The following GMDS variants were observed in gnomAD, a reference collection of about 807,000 sequenced individuals.
The protein encoded by GMDS is GDP-mannose 4,6-dehydratase.
GMDS carries 20 observed loss-of-function variants against 49.9 expected under a neutral mutation model. The observed-to-expected ratio is 0.40, with a 90% CI of 0.28 to 0.58. The LOEUF (loss-of-function observed/expected upper bound fraction) is 0.58. Ranked by LOEUF, GMDS falls within the 20% of genes least tolerant of loss-of-function variation. GMDS has a pLI of 0.42. For synonymous variants in GMDS, 177 were observed against 178.6 expected (o/e 0.99, Z 0.07); for missense variants, 362 against 481.4 (o/e 0.75, Z 2.32).
chr6:1,960,238 T>G (rs556486206), intron 5 of GMDS, among the ~76,000 whole-genome samples: 63 of 152,330 alleles, frequency 4.1e-4, no homozygotes, highest in African/African-American at 1.4e-3. Context: ...TCTTTTTCTC[T>G]CTCATTCTCT....
chr6:1,783,237 G>C (rs113100503), intron 7 of GMDS, among the ~76,000 whole-genome samples: 6 of 152,206 alleles, frequency 3.9e-5, no homozygotes, highest in Non-Finnish European at 8.8e-5. Context: ...TTCTGAACAA[G>C]TTATTTAACA....
In GMDS at chr6:2,223,877, A is replaced by T. The variant is rs567755075; in HGVS notation, c.102+21444T>A. 2.6e-5 allele frequency among the ~76,000 whole-genome samples: 4 copies of T among 152,328 alleles called. No homozygotes were observed. The South Asian group carries it at 8.3e-4, about 32-fold the overall frequency. ...AAGGCTTTGGGATTCACAAGGGAAG[A>T]GTGACTGCAGTTGTAGACATAGAAA... On this transcript the variant is annotated intron_variant, in intron 1 of 10. Coordinates refer to ENST00000380815, the MANE Select transcript of GMDS (RefSeq NM_001500.4).
At chr6:1,710,058 G>A (rs1270451890) in intron 9 of GMDS, among the ~76,000 whole-genome samples, 3 of 152,064 alleles carry the variant, frequency 2.0e-5, no homozygotes, top group Non-Finnish European at 4.4e-5. Flanking sequence ...AATGACTTTG[G>A]GTATTTAAAA....
intron 7 of GMDS, among the ~76,000 whole-genome samples, chr6:1,895,148 C>T (rs529034576): frequency 1.5e-4 from 23 of 152,188 alleles, no homozygotes; most frequent in Admixed American, 1.2e-3. Context: ...CGATGGGCAA[C>T]GAGTTTGGGG....
chr6:2,224,091 G>A (rs1054601472), intron 1 of GMDS, among the ~76,000 whole-genome samples: 3 of 152,190 alleles, frequency 2.0e-5, no homozygotes, highest in Admixed American at 2.0e-4. Flanking sequence ...GCAGGGTTTA[G>A]CCGTGAAAGG....
At chr6:2,006,280 T>A (rs1047140554) in intron 4 of GMDS, among the ~76,000 whole-genome samples, 13 of 137,316 alleles carry the variant, frequency 9.5e-5, no homozygotes, top group Non-Finnish European at 1.1e-4. Context: ...AAAAAAAAAA[T>A]AGCCAAGAGT....
At chr6:2,188,206 G>A (rs931097780) in intron 1 of GMDS, among the ~76,000 whole-genome samples, 1 of 152,186 alleles carries the variant, frequency 6.6e-6, no homozygotes, top group Non-Finnish European at 1.5e-5. Flanking sequence ...GTACAAATCC[G>A]GTTATTTTAC....
chr6:1,859,672 C>G (rs1403762187), intron 7 of GMDS, among the ~76,000 whole-genome samples: 2 of 152,152 alleles, frequency 1.3e-5, no homozygotes, highest in African/African-American at 2.4e-5. Flanking sequence ...GAAGCACAGC[C>G]TGGACCAGGA....
intron 9 of GMDS, among the ~76,000 whole-genome samples, chr6:1,702,002 T>C (rs6927943): frequency 0.48 from 73,088 of 152,130 alleles, 19,216 homozygotes; most frequent in Middle Eastern, 0.64. Flanking sequence ...ATTTTTGCGA[T>C]GGGGGTGTGA....
intron 4 of GMDS, among the ~76,000 whole-genome samples, chr6:2,067,285 A>G (rs1361539312): frequency 1.3e-5 from 2 of 152,152 alleles, no homozygotes; most frequent in South Asian, 4.1e-4. Context: ...GGAAATTTAT[A>G]GCACTAAATG....
At chr6:1,996,525 G>C (rs1366791176) in intron 4 of GMDS, among the ~76,000 whole-genome samples, 3 of 152,206 alleles carry the variant, frequency 2.0e-5, no homozygotes, top group Admixed American at 6.5e-5. Flanking sequence ...TCTGCTGGTA[G>C]ACAGGAAGGG....
chr6:1,840,075 T>C lies in GMDS; in HGVS notation c.771+90028A>G, dbSNP rs141521456. 4.7e-3 allele frequency among the ~76,000 whole-genome samples: 716 copies of C among 152,346 alleles called. 8 individuals carry two copies. The highest frequency in any genetic ancestry group is 0.016 in the African/African-American group (674 of 41,582). On this transcript the variant is annotated intron_variant, in intron 7 of 10. Coordinates refer to ENST00000380815, the MANE Select transcript of GMDS (RefSeq NM_001500.4). ...GGCGAGGACTGCATTTTTTCTGCTA[T>C]GGTGTAAAACTCTCACAGAATGTTA...
At chr6:1,952,034 G>T in intron 6 of GMDS, 1 of 969,346 alleles carries the variant, frequency 1.0e-6, no homozygotes, top group Non-Finnish European at 1.2e-6. Context: ...ATATTTACAT[G>T]ACTTCTCCTA....
chr6:2,031,003 C>T (rs1229115660), intron 4 of GMDS, among the ~76,000 whole-genome samples: 2 of 152,206 alleles, frequency 1.3e-5, no homozygotes, highest in Admixed American at 1.3e-4. Flanking sequence ...TTACTCTCTA[C>T]ACCAGGGTCA....
intron 9 of GMDS, among the ~76,000 whole-genome samples, chr6:1,627,780 T>A (rs1192894335): frequency 6.6e-6 from 1 of 152,214 alleles, no homozygotes; most frequent in East Asian, 1.9e-4. Context: ...GAGCTTTTCT[T>A]GAAAAAAGAG....
intron 1 of GMDS, among the ~76,000 whole-genome samples, chr6:2,168,175 C>T (rs1380523215): frequency 1.3e-5 from 2 of 152,164 alleles, no homozygotes; most frequent in Admixed American, 6.5e-5. Flanking sequence ...CTTTCCCTTC[C>T]TTCCTCAGAA....
At position 1,742,590 on chromosome 6, in the gene GMDS, G is replaced by C. The variant is rs775310084; in HGVS notation, c.772-4C>G. The stretch of plus-strand genomic sequence containing the variant: ...TCTGCAACATCAACCACATAGCCTA[G>C]AGGGAAAGAGAGGCAAGTTCACTTT... On this transcript the variant is annotated splice_region_variant and splice_polypyrimidine_tract_variant and intron_variant, in intron 7 of 10. Transcript: ENST00000380815. The C allele has an allele frequency of 4.7e-6, 7 of 1,476,124 alleles. No individual in the cohort carries two copies. Among genetic ancestry groups the C allele is most frequent in the Non-Finnish European group, 6.6e-6 (7 of 1,057,072 alleles). 91.4% of individuals were successfully genotyped at this position (1,476,124 alleles called of 1,614,324 possible). A position where few individuals can be genotyped will look rare whatever the true frequency, so the allele number is the denominator to read the frequency against.
intron 1 of GMDS, among the ~76,000 whole-genome samples, chr6:2,183,167 T>C (rs1778632036): frequency 6.6e-6 from 1 of 152,198 alleles, no homozygotes; most frequent in South Asian, 2.1e-4. Flanking sequence ...CAACTTTCAG[T>C]CTTATTATTT....
At chr6:2,150,112 C>T (rs1776773711) in intron 1 of GMDS, among the ~76,000 whole-genome samples, 2 of 152,094 alleles carry the variant, frequency 1.3e-5, no homozygotes, top group African/African-American at 4.8e-5. Flanking sequence ...AACACTCATT[C>T]CATCTAGTAC....
Sources: allele counts gnomAD v4.1 joint callset (sites outside exome capture counted in the v4.1 genomes callset), GRCh38; gene constraint gnomAD v4.1.1; transcripts MANE v1.5; gene names NCBI Gene and HGNC (gene_info 2026-07-23, HGNC 2026-07-21).